The following BCAR3 variants were observed in gnomAD, a reference collection of about 807,000 sequenced individuals.
BCAR3 encodes BCAR3 adaptor protein, NSP family member, also known as breast cancer anti-estrogen resistance protein 3.
A neutral mutation model predicts 80.1 loss-of-function variants in BCAR3; 37 were observed. That is an observed-to-expected ratio of 0.46 (90% CI 0.36 to 0.61). The LOEUF is 0.61. Among genes scored for constraint, BCAR3 ranks in the 20% least tolerant of loss-of-function variants. The pLI is 0.00. For synonymous variants in BCAR3, 389 were observed against 418.9 expected (o/e 0.93, Z 0.87); for missense variants, 978 against 1,068.2 (o/e 0.92, Z 1.18).
chr1:93,810,903 C>T (rs1441774751), intron 2 of BCAR3, among the ~76,000 whole-genome samples: 1 of 152,130 alleles, frequency 6.6e-6, no homozygotes, highest in Non-Finnish European at 1.5e-5. Flanking sequence ...AACCAAGACC[C>T]AGAGAGGTGA....
intron 2 of BCAR3, among the ~76,000 whole-genome samples, chr1:93,644,697 T>C (rs927102798): frequency 1.1e-4 from 17 of 152,270 alleles, no homozygotes; most frequent in African/African-American, 3.9e-4. Flanking sequence ...TGCCCAAACA[T>C]GTGGGGCCTC....
At chr1:93,625,195 A>T (rs549533051) in intron 3 of BCAR3, among the ~76,000 whole-genome samples, 1 of 152,326 alleles carries the variant, frequency 6.6e-6, no homozygotes, top group East Asian at 1.9e-4. Context: ...TGGGTGACAG[A>T]GCAAGACTCC....
intron 11 of BCAR3, among the ~76,000 whole-genome samples, chr1:93,562,908 C>A (rs1672761336): frequency 6.6e-6 from 1 of 151,914 alleles, no homozygotes; most frequent in Admixed American, 6.6e-5. Flanking sequence ...AGAGCAGAGC[C>A]CCACCCTGCA....
chr1:93,807,886 T>C (rs1217447160), intron 2 of BCAR3, among the ~76,000 whole-genome samples: 1 of 151,734 alleles, frequency 6.6e-6, no homozygotes, highest in African/African-American at 2.4e-5. Context: ...ATAACAAAAA[T>C]TAGCCAGGTG....
upstream of BCAR3, among the ~76,000 whole-genome samples, chr1:93,685,198 G>T (rs1648928663): frequency 6.6e-6 from 1 of 152,166 alleles, no homozygotes; most frequent in Non-Finnish European, 1.5e-5. Context: ...CAGAACCATT[G>T]CAGTATGGTT....
intron 3 of BCAR3, among the ~76,000 whole-genome samples, chr1:93,629,718 GTGT>G (rs1188291507): frequency 6.6e-6 from 1 of 152,210 alleles, no homozygotes; most frequent in Non-Finnish European, 1.5e-5. Context: ...TCTCGTTTTG[GTGT>G]TGAAGTTACT....
intron 2 of BCAR3, among the ~76,000 whole-genome samples, chr1:93,743,191 TTTAATACAGGTGC>T (rs142999942): frequency 0.12 from 17,803 of 152,190 alleles, 1,453 homozygotes; most frequent in African/African-American, 0.22. Flanking sequence ...GACCTGTGTT[TTTAATACAGGTGC>T]TAGGTGTATT....
chr1:93,704,503 G>A (rs144186040), intron 3 of BCAR3, among the ~76,000 whole-genome samples: 228 of 152,342 alleles, frequency 1.5e-3, no homozygotes, highest in Non-Finnish European at 2.8e-3. Flanking sequence ...TACACAGCTA[G>A]TGAGGGACAG....
At chr1:93,696,157 C>T (rs541451501) in intron 3 of BCAR3, among the ~76,000 whole-genome samples, 7 of 152,168 alleles carry the variant, frequency 4.6e-5, no homozygotes, top group African/African-American at 7.2e-5. Context: ...CTCAGCCTCC[C>T]GAGTAGTTGG....
intron 2 of BCAR3, among the ~76,000 whole-genome samples, chr1:93,757,835 G>A (rs1557678144): frequency 6.6e-6 from 1 of 152,222 alleles, no homozygotes; most frequent in Non-Finnish European, 1.5e-5. Context: ...GGGTCAGGTT[G>A]TCTGGGAAAC....
chr1:93,562,355 C>T lies in BCAR3; in HGVS notation c.2364G>A (p.Trp788Ter). The change falls in exon 12 of 12, where the codon TGG (tryptophan) becomes TGA (stop). Residue 788 changes from tryptophan (W) to a stop codon, truncating the protein, a stop_gained. Transcript: ENST00000260502. LOFTEE classifies it high-confidence loss of function. Reference sequence around the variant, plus strand: ...GATTGACTTGTGCACCTTTGCTGCCCCATAGCAATCGCATTTGAAATTCAG... The same window carrying T: ...GATTGACTTGTGCACCTTTGCTGCCTCATAGCAATCGCATTTGAAATTCAG... ...CKTEFQMRLL[W>*]GSKGAQVNQT... The T allele has an allele frequency of 6.2e-7, 1 of 1,614,068 alleles. No individual in the cohort carries two copies. Among genetic ancestry groups the T allele is most frequent in the African/African-American group, 1.3e-5 (1 of 75,028 alleles).
intron 2 of BCAR3, among the ~76,000 whole-genome samples, chr1:93,838,319 T>C (rs1451862469): frequency 6.6e-6 from 1 of 152,182 alleles, no homozygotes; most frequent in Non-Finnish European, 1.5e-5. Flanking sequence ...GAGAAAAACC[T>C]GAGGAGCATC....
chr1:93,788,838 C>T (rs1653039863), intron 2 of BCAR3, among the ~76,000 whole-genome samples: 1 of 152,192 alleles, frequency 6.6e-6, no homozygotes, highest in Admixed American at 6.5e-5. Context: ...AACTACCACC[C>T]AGAGTCCCAC....
At chr1:93,798,440 C>T (rs1653358291) in intron 2 of BCAR3, among the ~76,000 whole-genome samples, 1 of 151,060 alleles carries the variant, frequency 6.6e-6, no homozygotes, top group Non-Finnish European at 1.5e-5. Flanking sequence ...TTAACAATAG[C>T]CAATTTTTTT....
At chr1:93,679,941 A>G (rs970532517) in intron 1 of BCAR3, among the ~76,000 whole-genome samples, 18 of 152,338 alleles carry the variant, frequency 1.2e-4, no homozygotes, top group African/African-American at 3.8e-4. Flanking sequence ...TGGAAATGTA[A>G]CCGTCTCGGC....
chr1:93,701,923 T>C (rs1038826037), intron 3 of BCAR3, among the ~76,000 whole-genome samples: 4 of 152,198 alleles, frequency 2.6e-5, no homozygotes, highest in South Asian at 2.1e-4. Flanking sequence ...TGGGCTGTGC[T>C]CCAGGCATGG....
At chr1:93,617,802 G>A (rs1195082771) in intron 3 of BCAR3, among the ~76,000 whole-genome samples, 1 of 152,314 alleles carries the variant, frequency 6.6e-6, no homozygotes, top group South Asian at 2.1e-4. Context: ...GCCCCACTCA[G>A]CACCAGCCTG....
At chr1:93,584,241 G>A in intron 5 of BCAR3, 120 bp from the exon 6 acceptor site, 1 of 792,406 alleles carries the variant, frequency 1.3e-6, no homozygotes, top group Non-Finnish European at 2.0e-6. Context: ...GAACGAGAGT[G>A]CTACAGCATA....
chr1:93,812,689 T>C (rs765103778), intron 2 of BCAR3, among the ~76,000 whole-genome samples: 13 of 152,212 alleles, frequency 8.5e-5, no homozygotes, highest in African/African-American at 1.4e-4. Flanking sequence ...CTGGACCTCT[T>C]TGATTGTGAC....
Sources: gnomAD v4.1 joint callset for allele counts (sites outside exome capture counted in the v4.1 genomes callset) on GRCh38, gnomAD v4.1.1 for gene constraint, MANE v1.5 for transcripts, NCBI Gene and HGNC (gene_info 2026-07-23, HGNC 2026-07-21) for gene names.